LRFN5: variants seen among roughly 807,000 people sequenced by gnomAD.
LRFN5 encodes leucine-rich repeat and fibronectin type-III domain-containing protein 5.
LRFN5 carries 24 observed loss-of-function variants against 45.6 expected under a neutral mutation model. That is an observed-to-expected ratio of 0.53 (90% confidence interval 0.38 to 0.74). LRFN5 has a LOEUF of 0.74. LRFN5 is among the 30% of genes least tolerant of loss of function. LRFN5 has a pLI of 0.00. For missense variants in LRFN5, 776 were observed against 861.5 expected (o/e 0.90, Z 1.24); for synonymous variants, 340 against 313.8 (o/e 1.08, Z -0.88).
intron 2 of LRFN5, among the ~76,000 whole-genome samples, chr14:41,828,089 A>C (rs1888357566): frequency 6.6e-6 from 1 of 152,052 alleles, no homozygotes; most frequent in Non-Finnish European, 1.5e-5. Context: ...GAAGTAAGTT[A>C]AAGGGAAATA....
chr14:41,806,487 A>G (rs887819555), intron 2 of LRFN5, among the ~76,000 whole-genome samples: 1 of 152,150 alleles, frequency 6.6e-6, no homozygotes, highest in Non-Finnish European at 1.5e-5. Flanking sequence ...CCTAGAAGTG[A>G]TAGCACTTAA....
intron 1 of LRFN5, among the ~76,000 whole-genome samples, chr14:41,667,082 T>C (rs1252367708): frequency 1.3e-5 from 2 of 152,186 alleles, no homozygotes; most frequent in East Asian, 3.8e-4. Flanking sequence ...TATTTAAGCT[T>C]TAAGAATTCG....
chr14:41,839,711 G>T (rs1284268762), intron 2 of LRFN5, among the ~76,000 whole-genome samples: 2 of 152,102 alleles, frequency 1.3e-5, no homozygotes, highest in African/African-American at 4.8e-5. Context: ...TATTTCTGTG[G>T]AGGGACCTTG....
chr14:41,815,105 C>T (rs1887871557), intron 2 of LRFN5, among the ~76,000 whole-genome samples: 2 of 152,054 alleles, frequency 1.3e-5, no homozygotes, highest in Admixed American at 6.6e-5. Context: ...GATTTTCTGC[C>T]TTCTGGATCT....
chr14:41,730,909 A>C (rs1235385078), intron 1 of LRFN5, among the ~76,000 whole-genome samples: 1 of 152,026 alleles, frequency 6.6e-6, no homozygotes, highest in Non-Finnish European at 1.5e-5. Flanking sequence ...TGTATATGTT[A>C]ATTGAATGAA....
chr14:41,678,837 G>A (rs181964510), intron 1 of LRFN5, among the ~76,000 whole-genome samples: 73 of 152,258 alleles, frequency 4.8e-4, no homozygotes, highest in Non-Finnish European at 7.6e-4. Flanking sequence ...ATTACTGAAA[G>A]AGTCATTGGA....
At chr14:41,851,261 A>G (rs1014259017) in intron 2 of LRFN5, among the ~76,000 whole-genome samples, 2 of 143,650 alleles carry the variant, frequency 1.4e-5, no homozygotes, top group African/African-American at 5.2e-5. Flanking sequence ...CTAGAAAACA[A>G]TTCTTGGGGA....
intron 2 of LRFN5, among the ~76,000 whole-genome samples, chr14:41,862,137 T>C (rs911265768): frequency 1.3e-5 from 2 of 152,242 alleles, no homozygotes; most frequent in African/African-American, 2.4e-5. Context: ...TGCAGAACTG[T>C]GAGTCAATTA....
rs1298239889 is a variant in LRFN5 at position 41,904,421 on chromosome 14, G to GA, written c.*253dup. 3 of 434,806 alleles carry GA rather than the reference G, an allele frequency of 6.9e-6. No homozygotes were observed. The highest frequency in any genetic ancestry group is 1.2e-5 in the Non-Finnish European group (3 of 247,788). The allele number at this position is 434,806 out of a possible 1,614,324, so 26.9% of individuals were successfully genotyped here. On this transcript the variant is annotated 3_prime_UTR_variant, in exon 6 of 6. Transcript: ENST00000298119. ...CTACAAGTATTTTTTTTTTAAAAAA[G>GA]AAAAAAAGCCTACATTGGCATCAAG... is the stretch of plus-strand genomic sequence containing the variant.
intron 2 of LRFN5, among the ~76,000 whole-genome samples, chr14:41,777,991 A>C: frequency 8.2e-6 from 1 of 121,488 alleles, no homozygotes; most frequent in Non-Finnish European, 1.7e-5. Context: ...AAGAAGATGC[A>C]TGGGATCCTT....
At position 41,755,310 on chromosome 14, in the gene LRFN5, T is replaced by C. The variant is rs568708289; in HGVS notation, c.-196-11544T>C. Among the ~76,000 whole-genome samples the C allele has an allele frequency of 3.3e-5, 5 of 152,306 alleles. No homozygotes were observed. In the East Asian group the frequency reaches 7.7e-4, roughly 24 times the overall value. On this transcript the variant is annotated intron_variant, in intron 1 of 5. Transcript: ENST00000298119. Reference sequence around the variant, plus strand: ...TTGGTGCAGAGCTGAGTTAAGTTCCTGGATATCCTTGTTAACTTTCTGTCT... The same window carrying C: ...TTGGTGCAGAGCTGAGTTAAGTTCCCGGATATCCTTGTTAACTTTCTGTCT...
At chr14:41,798,907 T>A (rs1166701944) in intron 2 of LRFN5, among the ~76,000 whole-genome samples, 1 of 152,008 alleles carries the variant, frequency 6.6e-6, no homozygotes, top group Non-Finnish European at 1.5e-5. Flanking sequence ...TTATATTAAT[T>A]TATCTCTCTG....
intron 2 of LRFN5, among the ~76,000 whole-genome samples, chr14:41,773,729 A>G (rs1377425813): frequency 1.3e-5 from 2 of 152,232 alleles, no homozygotes; most frequent in East Asian, 3.9e-4. Context: ...ATGTGAGTTC[A>G]GTGGAAAAGG....
chr14:41,760,385 G>C (rs1202710869), intron 1 of LRFN5, among the ~76,000 whole-genome samples: 4 of 152,070 alleles, frequency 2.6e-5, no homozygotes, highest in Admixed American at 6.6e-5. Context: ...ACTGTGCCTT[G>C]CTTCTATTAT....
In LRFN5 at chr14:41,764,842, GCAGAA is replaced by G. The variant is rs1566659550; in HGVS notation, c.-196-2011_-196-2007del. Among the ~76,000 whole-genome samples, 13 of 149,978 alleles carry G rather than the reference GCAGAA, an allele frequency of 8.7e-5. No homozygotes were observed. The East Asian group carries it at 2.0e-3, about 23-fold the overall frequency. The stretch of plus-strand genomic sequence containing the variant: ...AGAATACATATATATGATTATATAT[GCAGAA>G]TACATATATATGATTATATATGCAG... On this transcript the variant is annotated intron_variant, in intron 1 of 5. Transcript: ENST00000298119.
intron 2 of LRFN5, among the ~76,000 whole-genome samples, chr14:41,774,065 G>A (rs1490968355): frequency 6.6e-6 from 1 of 152,132 alleles, no homozygotes; most frequent in Admixed American, 6.6e-5. Context: ...CTGAATAAAT[G>A]CTCTTCTTTA....
chr14:41,810,931 G>GT (rs5808155), intron 2 of LRFN5, among the ~76,000 whole-genome samples: 114,394 of 151,682 alleles, frequency 0.75, 43,477 homozygotes, highest in East Asian at 0.93. Flanking sequence ...GATGGTTGTG[G>GT]TTTTTTTATG....
At chr14:41,844,018 A>G (rs1023822153) in intron 2 of LRFN5, among the ~76,000 whole-genome samples, 1 of 152,250 alleles carries the variant, frequency 6.6e-6, no homozygotes, top group Non-Finnish European at 1.5e-5. Context: ...GGAGGTGAAT[A>G]GATACTTCAT....
intron 2 of LRFN5, among the ~76,000 whole-genome samples, chr14:41,803,179 C>T: frequency 6.6e-6 from 1 of 151,974 alleles, no homozygotes; most frequent in African/African-American, 2.4e-5. Flanking sequence ...ATGAATTATC[C>T]CCAGAACAAA....
Sources: gnomAD v4.1 joint callset for allele counts (sites outside exome capture counted in the v4.1 genomes callset) on GRCh38, gnomAD v4.1.1 for gene constraint, MANE v1.5 for transcripts, NCBI Gene and HGNC (gene_info 2026-07-23, HGNC 2026-07-21) for gene names.